NLGN1: variants seen among roughly 807,000 people sequenced by gnomAD.
The protein encoded by NLGN1 is neuroligin 1.
NLGN1 carries 12 observed loss-of-function variants against 65.5 expected under a neutral mutation model. That is an observed-to-expected ratio of 0.18 (90% CI 0.12 to 0.30). NLGN1 has a LOEUF of 0.30. Ranked by LOEUF, NLGN1 falls within the 10% of genes least tolerant of loss-of-function variation. The pLI is 1.00. For missense variants in NLGN1, 750 were observed against 1,007.1 expected (o/e 0.74, Z 3.46); for synonymous variants, 350 against 359.5 (o/e 0.97, Z 0.30).
chr3:174,279,374 C>CT lies in NLGN1; in HGVS notation c.1376dup (p.Leu459PhefsTer44). On this transcript the variant is annotated frameshift_variant, in exon 6 of 7. Transcript: ENST00000457714. LOFTEE classifies it high-confidence loss of function. This position sits in a 1 kb window ranked among gnomAD's most constrained non-coding sequence, Gnocchi z 4.7. ...GAAACCAGAAGAAAGACATTACTGG[C>CT]TTTGTTTACGGACCATCAGTGGGTG... The CT allele has an allele frequency of 6.2e-7, 1 of 1,613,396 alleles. No homozygotes were observed. Among genetic ancestry groups the CT allele is most frequent in the Non-Finnish European group, 8.5e-7 (1 of 1,179,574 alleles).
At chr3:173,577,494 T>G (rs1265098869) in intron 2 of NLGN1, among the ~76,000 whole-genome samples, 1 of 152,226 alleles carries the variant, frequency 6.6e-6, no homozygotes, top group African/African-American at 2.4e-5. Flanking sequence ...TTTAATTGTT[T>G]TCTTTTGTAA....
chr3:173,464,764 G>A (rs1172262468), intron 2 of NLGN1, among the ~76,000 whole-genome samples: 1 of 152,140 alleles, frequency 6.6e-6, no homozygotes, highest in Non-Finnish European at 1.5e-5. Context: ...TATGCAAGGA[G>A]TTAATGAACA....
chr3:174,235,630 T>A (rs1340032193), intron 4 of NLGN1, among the ~76,000 whole-genome samples: 26 of 152,276 alleles, frequency 1.7e-4, no homozygotes, highest in Admixed American at 7.8e-4. Context: ...TCAACTGGCT[T>A]GATATTATTT....
intron 4 of NLGN1, among the ~76,000 whole-genome samples, chr3:174,266,709 C>T (rs1447911499): frequency 6.6e-6 from 1 of 152,140 alleles, no homozygotes; most frequent in African/African-American, 2.4e-5. Flanking sequence ...CACAACCTTG[C>T]CAGCATGTTA....
At chr3:173,573,880 G>A (rs1745049502) in intron 2 of NLGN1, among the ~76,000 whole-genome samples, 1 of 151,456 alleles carries the variant, frequency 6.6e-6, no homozygotes, top group South Asian at 2.1e-4. Flanking sequence ...TGGCTAACAC[G>A]CTGAAACCCC....
chr3:173,588,850 TC>T (rs1747953817), intron 2 of NLGN1, among the ~76,000 whole-genome samples: 1 of 152,156 alleles, frequency 6.6e-6, no homozygotes, highest in African/African-American at 2.4e-5. Context: ...TTAATTTTCT[TC>T]CTATATATAG....
At chr3:173,723,699 T>A (rs1383616358) in intron 3 of NLGN1, among the ~76,000 whole-genome samples, 1 of 152,196 alleles carries the variant, frequency 6.6e-6, no homozygotes, top group Non-Finnish European at 1.5e-5. Flanking sequence ...AAATGTGGAA[T>A]GTAAATGAGA....
intron 2 of NLGN1, among the ~76,000 whole-genome samples, chr3:173,539,634 A>AGATCTAG (rs778238799): frequency 7.6e-6 from 1 of 131,592 alleles, no homozygotes; most frequent in Non-Finnish European, 1.5e-5. Context: ...TTATATATAC[A>AGATCTAG]CATATATACA....
intron 2 of NLGN1, among the ~76,000 whole-genome samples, chr3:173,511,084 G>T (rs1299615985): frequency 3.3e-5 from 5 of 152,184 alleles, no homozygotes; most frequent in Non-Finnish European, 5.9e-5. Context: ...ATGAGTTTAT[G>T]ACAGGGATTT....
chr3:173,609,677 G>C (rs2149465057), intron 3 of NLGN1, among the ~76,000 whole-genome samples: 1 of 151,986 alleles, frequency 6.6e-6, no homozygotes, highest in East Asian at 1.9e-4. Flanking sequence ...GCTGAGTATT[G>C]CTCTAGGTAC....
chr3:174,067,558 G>A (rs930114307), intron 4 of NLGN1, among the ~76,000 whole-genome samples: 18 of 152,054 alleles, frequency 1.2e-4, no homozygotes, highest in Admixed American at 1.1e-3. Flanking sequence ...TGCTGTCAAC[G>A]TAGGCAGATC....
At chr3:173,447,545 C>T (rs949797281) in intron 2 of NLGN1, among the ~76,000 whole-genome samples, 9 of 152,284 alleles carry the variant, frequency 5.9e-5, no homozygotes, top group African/African-American at 9.6e-5. Context: ...CTTGGCAATG[C>T]AGGCTCTTTT....
chr3:174,095,539 A>C (rs1037723731), intron 4 of NLGN1, among the ~76,000 whole-genome samples: 2 of 125,258 alleles, frequency 1.6e-5, no homozygotes, highest in African/African-American at 3.7e-5. Flanking sequence ...ATATCTATAT[A>C]TATATATATA....
At chr3:173,994,067 T>C (rs1424949326) in intron 4 of NLGN1, among the ~76,000 whole-genome samples, 1 of 152,126 alleles carries the variant, frequency 6.6e-6, no homozygotes, top group Non-Finnish European at 1.5e-5. Flanking sequence ...TTAACTTTTA[T>C]GGAAAAATAA....
chr3:173,608,348 AAAG>A, intron 3 of NLGN1, among the ~76,000 whole-genome samples: 1 of 152,044 alleles, frequency 6.6e-6, no homozygotes, highest in South Asian at 2.1e-4. Flanking sequence ...ACAAAATGGA[AAAG>A]AAGAATGAAT....
chr3:173,630,477 T>C (rs1755518059), intron 3 of NLGN1, among the ~76,000 whole-genome samples: 2 of 152,164 alleles, frequency 1.3e-5, no homozygotes, highest in Non-Finnish European at 2.9e-5. Context: ...TATTAAAATA[T>C]GCATGGATGG....
chr3:173,674,567 A>G (rs73880540), intron 3 of NLGN1, among the ~76,000 whole-genome samples: 1 of 152,152 alleles, frequency 6.6e-6, no homozygotes, highest in Non-Finnish European at 1.5e-5. Context: ...TTAAAGTTAC[A>G]GGAACATTTT....
intron 3 of NLGN1, among the ~76,000 whole-genome samples, chr3:173,751,604 GAC>G (rs1241391062): frequency 2.6e-5 from 4 of 152,034 alleles, no homozygotes; most frequent in African/African-American, 9.7e-5. Context: ...GACAGAGTAA[GAC>G]AGAGATTTCC....
intron 1 of NLGN1, among the ~76,000 whole-genome samples, chr3:173,419,323 G>A (rs1560225329): frequency 6.6e-6 from 1 of 150,842 alleles, no homozygotes; most frequent in Non-Finnish European, 1.5e-5. Flanking sequence ...TCTGGGTGAA[G>A]GGGGGATTAT....
Sources: gnomAD v4.1 joint callset for allele counts (sites outside exome capture counted in the v4.1 genomes callset) on GRCh38, gnomAD v4.1.1 for gene constraint, Gnocchi (gnomAD v3.1) non-coding constraint, MANE v1.5 for transcripts, NCBI Gene and HGNC (gene_info 2026-07-23, HGNC 2026-07-21) for gene names.